The following GLT1D1 variants were observed in gnomAD, a reference collection of about 807,000 sequenced individuals.
GLT1D1 encodes the protein glycosyltransferase 1 domain containing 1, also known as glycosyltransferase 1 domain-containing protein 1.
GLT1D1 carries 21 observed loss-of-function variants against 28.7 expected under a neutral mutation model. The observed-to-expected ratio is 0.73, with a 90% confidence interval of 0.52 to 1.05. The LOEUF is 1.05. GLT1D1 is among the 50% of genes least tolerant of loss of function. The pLI, the probability that GLT1D1 is intolerant of heterozygous loss-of-function variation, is 0.00. For missense variants in GLT1D1, 343 were observed against 330.6 expected, an observed-to-expected ratio of 1.04 and a Z score of -0.29; for synonymous variants, 147 against 124.8, an observed-to-expected ratio of 1.18 and a Z score of -1.19.
intron 7 of GLT1D1, among the ~76,000 whole-genome samples, chr12:128,974,138 C>T (rs1879534343): frequency 6.6e-6 from 1 of 152,102 alleles, no homozygotes; most frequent in Admixed American, 6.6e-5. Context: ...TAGGAATAGT[C>T]CAAATTCCTA....
chr12:128,930,824 T>G (rs531367441), intron 4 of GLT1D1, among the ~76,000 whole-genome samples: 117 of 152,334 alleles, frequency 7.7e-4, no homozygotes, highest in African/African-American at 2.7e-3. Context: ...TGGATTGATC[T>G]GTCCTCTTTA....
At chr12:128,907,440 G>A (rs1416654349) in intron 4 of GLT1D1, among the ~76,000 whole-genome samples, 1 of 151,922 alleles carries the variant, frequency 6.6e-6, no homozygotes, top group Non-Finnish European at 1.5e-5. Flanking sequence ...CGAGTAGCTG[G>A]GACTACAGGT....
intron 4 of GLT1D1, among the ~76,000 whole-genome samples, chr12:128,920,615 G>T (rs1182328580): frequency 6.6e-6 from 1 of 152,142 alleles, no homozygotes; most frequent in African/African-American, 2.4e-5. Context: ...AGAATACAGG[G>T]CATAGAGACT....
rs751668257 is a variant in GLT1D1 at position 128,979,896 on chromosome 12, C to T, written c.640-3033C>T. On this transcript the variant is annotated intron_variant, in intron 7 of 7. Transcript: ENST00000281703. Reference sequence around the variant, plus strand: ...CCAACACAAAGACTGTATTACAGTACGGTTTTGCATATCTCATATAATTTA... The same window carrying T: ...CCAACACAAAGACTGTATTACAGTATGGTTTTGCATATCTCATATAATTTA... 3.9e-5 allele frequency among the ~76,000 whole-genome samples: 6 copies of T among 152,212 alleles called. No homozygotes were observed. In the South Asian group the frequency reaches 6.2e-4, roughly 16 times the overall value.
intron 4 of GLT1D1, among the ~76,000 whole-genome samples, chr12:128,908,356 CTT>C (rs911170126): frequency 2.3e-5 from 1 of 43,696 alleles, no homozygotes; most frequent in African/African-American, 4.7e-5. Flanking sequence ...CCCTTTCTTT[CTT>C]TCTTTTCTTT....
intron 4 of GLT1D1, among the ~76,000 whole-genome samples, chr12:128,936,090 A>G (rs1874523771): frequency 6.6e-6 from 1 of 151,842 alleles, no homozygotes; most frequent in Non-Finnish European, 1.5e-5. Context: ...ATGAGTGAAC[A>G]CTTGGACGGT....
At chr12:128,957,079 A>G (rs1877386674) in intron 6 of GLT1D1, among the ~76,000 whole-genome samples, 2 of 152,356 alleles carry the variant, frequency 1.3e-5, no homozygotes, top group Admixed American at 1.3e-4. Flanking sequence ...TTCGTGAATA[A>G]TCAGAATGAT....
chr12:128,905,167 G>A (rs1365972275), intron 4 of GLT1D1, among the ~76,000 whole-genome samples: 1 of 152,182 alleles, frequency 6.6e-6, no homozygotes, highest in South Asian at 2.1e-4. Context: ...GGTCAAGGCC[G>A]AATTTCCTAG....
Position 128,957,529 on chromosome 12 carries a change from C to T in GLT1D1, c.541-16C>T. 1.3e-6 allele frequency: 2 copies of T among 1,583,442 alleles called. No homozygotes were observed. The highest frequency in any genetic ancestry group is 2.2e-5 in the South Asian group (2 of 90,420). ...AAATGACTGCCTTCCACCCCCTTTT[C>T]TCCTGTCTCCTCCAGGCAATGGATT... On this transcript the variant is annotated splice_polypyrimidine_tract_variant and intron_variant, in intron 6 of 7. Coordinates refer to ENST00000281703, the MANE Select transcript of GLT1D1 (RefSeq NM_144669.3).
At chr12:128,959,518 G>A (rs974228064) in intron 7 of GLT1D1, among the ~76,000 whole-genome samples, 5 of 150,484 alleles carry the variant, frequency 3.3e-5, no homozygotes, top group Non-Finnish European at 7.4e-5. Context: ...ATTGCAAGTC[G>A]CAAGGTATCA....
At chr12:128,947,168 T>G in intron 5 of GLT1D1, 170 bp from the exon 10 acceptor site, 1 of 683,940 alleles carries the variant, frequency 1.5e-6, no homozygotes, top group Non-Finnish European at 2.5e-6. Context: ...GTCAGGGACA[T>G]GAGCTGTAAG....
chr12:128,971,616 C>T (rs1879113861), intron 7 of GLT1D1, among the ~76,000 whole-genome samples: 2 of 26,234 alleles, frequency 7.6e-5, no homozygotes, highest in Non-Finnish European at 1.5e-4. Flanking sequence ...CTCCCTTCCC[C>T]CCTCCCTCCT....
intron 4 of GLT1D1, among the ~76,000 whole-genome samples, chr12:128,930,913 C>A (rs527392856): frequency 2.0e-5 from 3 of 151,848 alleles, no homozygotes; most frequent in African/African-American, 7.3e-5. Flanking sequence ...TTAGGAGAGA[C>A]GACCGTTGTT....
chr12:128,903,835 A>G (rs890542697), intron 4 of GLT1D1, among the ~76,000 whole-genome samples: 2 of 151,790 alleles, frequency 1.3e-5, no homozygotes, highest in Admixed American at 1.3e-4. Flanking sequence ...AGTTCAAGCT[A>G]TTCTCCTGCC....
intron 4 of GLT1D1, chr12:128,930,132 G>C (rs1417025330): frequency 6.6e-6 from 1 of 152,210 alleles, no homozygotes; most frequent in Non-Finnish European, 1.5e-5. Flanking sequence ...CATTGTAGTA[G>C]TAACAAGATA....
intron 4 of GLT1D1, among the ~76,000 whole-genome samples, chr12:128,933,388 T>A (rs1241053412): frequency 6.6e-6 from 1 of 152,290 alleles, no homozygotes; most frequent in East Asian, 1.9e-4. Context: ...CAATACGCTT[T>A]CTTTTACTTC....
At chr12:128,961,022 T>TATTAAAATAGG (rs1347581874) in intron 7 of GLT1D1, among the ~76,000 whole-genome samples, 1 of 152,178 alleles carries the variant, frequency 6.6e-6, no homozygotes, top group Non-Finnish European at 1.5e-5. Context: ...AATACCCCAG[T>TATTAAAATAGG]TACCTATTTT....
In GLT1D1 at chr12:128,983,112, C is replaced by G; in HGVS notation, c.*22C>G. 1 of 1,609,322 alleles carries G rather than the reference C, an allele frequency of 6.2e-7. No homozygotes were observed. The highest frequency in any genetic ancestry group is 2.2e-5 in the East Asian group (1 of 44,862). On this transcript the variant is annotated 3_prime_UTR_variant, in exon 8 of 8. Transcript: ENST00000281703. This position sits in a 1 kb window ranked among gnomAD's most constrained non-coding sequence, Gnocchi z 4.7. Reference sequence around the variant, plus strand: ...TTGAGGGCCCCGCCTCATCAGACACCTGCTCTCTGACACACAGCTCTGGGT... The same window carrying G: ...TTGAGGGCCCCGCCTCATCAGACACGTGCTCTCTGACACACAGCTCTGGGT...
intron 7 of GLT1D1, among the ~76,000 whole-genome samples, chr12:128,962,089 C>A (rs1878023666): frequency 6.6e-6 from 1 of 151,622 alleles, no homozygotes; most frequent in African/African-American, 2.4e-5. Flanking sequence ...TCCCCCTCCA[C>A]CTCCCGCCAC....
Sources: allele counts gnomAD v4.1 joint callset (sites outside exome capture counted in the v4.1 genomes callset), GRCh38; gene constraint gnomAD v4.1.1; non-coding constraint Gnocchi (gnomAD v3.1); transcripts MANE v1.5; gene names NCBI Gene and HGNC (gene_info 2026-07-23, HGNC 2026-07-21).